The following KLF12 variants were observed in gnomAD, a reference collection of about 807,000 sequenced individuals.
KLF12 encodes the protein Krueppel-like factor 12.
In KLF12, 9 loss-of-function variants were observed where a neutral mutation model predicts 37.8. That is an observed-to-expected ratio of 0.24 (90% CI 0.14 to 0.42). KLF12 has a LOEUF of 0.42. KLF12 is among the 10% of genes least tolerant of loss of function. The pLI is 1.00. For missense variants in KLF12, 411 were observed against 516.0 expected, an observed-to-expected ratio of 0.80 and a Z score of 1.97; for synonymous variants, 208 against 202.1, an observed-to-expected ratio of 1.03 and a Z score of -0.25.
At chr13:73,924,721 G>C (rs1375802228) in intron 3 of KLF12, among the ~76,000 whole-genome samples, 1 of 152,172 alleles carries the variant, frequency 6.6e-6, no homozygotes, top group African/African-American at 2.4e-5. Flanking sequence ...TGGTGAGAAA[G>C]GCATGTTGAA....
rs554473859 is a variant in KLF12 at position 73,730,209 on chromosome 13, A to G, written c.870-14684T>C. ...GCTCTTGACTGCCTCTGTGCTGCTC[A>G]CTGGTCTCACCCAGCCTCAGGCTCT... On this transcript the variant is annotated intron_variant, in intron 6 of 7. Coordinates refer to ENST00000377669, the MANE Select transcript of KLF12 (RefSeq NM_007249.5). Among the ~76,000 whole-genome samples the G allele has an allele frequency of 2.0e-5, 3 of 152,234 alleles. No individual in the cohort carries two copies. The South Asian group carries it at 6.2e-4, about 32-fold the overall frequency.
intron 1 of KLF12, among the ~76,000 whole-genome samples, chr13:74,106,507 C>T (rs1241531564): frequency 6.6e-6 from 1 of 152,154 alleles, no homozygotes; most frequent in Admixed American, 6.5e-5. Flanking sequence ...TATAAATTTT[C>T]TTGGAATGTT....
chr13:74,211,684 T>G, the KLF12 span, among the ~76,000 whole-genome samples: 2 of 152,288 alleles, frequency 1.3e-5, no homozygotes, highest in Admixed American at 1.3e-4. Flanking sequence ...TTTAGTTGGT[T>G]CTAGAGAACA....
intron 1 of KLF12, among the ~76,000 whole-genome samples, chr13:74,000,330 T>G (rs1052746760): frequency 6.6e-6 from 1 of 152,188 alleles, no homozygotes; most frequent in African/African-American, 2.4e-5. Flanking sequence ...GAATCTCCAC[T>G]CTAGGATCTC....
chr13:74,034,022 A>G (rs907239927), intron 1 of KLF12, among the ~76,000 whole-genome samples: 1 of 147,790 alleles, frequency 6.8e-6, no homozygotes, highest in African/African-American at 2.4e-5. Context: ...ACATCAACTC[A>G]TCTGTTTACT....
chr13:73,817,820 G>A lies in KLF12; in HGVS notation c.671-4533C>T, dbSNP rs145086178. Among the ~76,000 whole-genome samples the A allele has an allele frequency of 4.3e-4, 65 of 152,302 alleles. 1 individual carries two copies. The highest frequency in any genetic ancestry group is 1.3e-3 in the African/African-American group (55 of 41,572). On this transcript the variant is annotated intron_variant, in intron 4 of 7. Coordinates refer to ENST00000377669, the MANE Select transcript of KLF12 (RefSeq NM_007249.5). ...GCTATAAATATAATCTGCATATGCC[G>A]TAGGGTGAAGCATTCTGAACATTTT...
intron 2 of KLF12, among the ~76,000 whole-genome samples, chr13:73,960,042 G>T (rs118108086): frequency 0.035 from 5,275 of 152,064 alleles, 127 homozygotes; most frequent in Non-Finnish European, 0.055. Context: ...AGGCATCCTG[G>T]AAAAATAACA....
At chr13:74,050,420 G>GA (rs895158382) in intron 1 of KLF12, among the ~76,000 whole-genome samples, 5 of 152,114 alleles carry the variant, frequency 3.3e-5, no homozygotes, top group African/African-American at 1.2e-4. Flanking sequence ...CACAAAGAAG[G>GA]AAAAAATCTT....
At chr13:74,000,896 G>C (rs1465658220) in intron 1 of KLF12, among the ~76,000 whole-genome samples, 1 of 152,180 alleles carries the variant, frequency 6.6e-6, no homozygotes, top group African/African-American at 2.4e-5. Context: ...AGTAATTTAT[G>C]CTATGCTCAG....
At chr13:74,036,476 C>G (rs1893247936) in intron 1 of KLF12, among the ~76,000 whole-genome samples, 1 of 152,250 alleles carries the variant, frequency 6.6e-6, no homozygotes, top group Admixed American at 6.5e-5. Flanking sequence ...CAGATCCCCA[C>G]ACAGTGCACG....
chr13:74,016,931 C>A (rs756449558), intron 1 of KLF12, among the ~76,000 whole-genome samples: 4 of 152,016 alleles, frequency 2.6e-5, no homozygotes, highest in Admixed American at 6.6e-5. Context: ...TTGATAAACT[C>A]ATAATGGAAT....
chr13:73,939,923 G>A (rs1288107386), intron 3 of KLF12, among the ~76,000 whole-genome samples: 1 of 152,170 alleles, frequency 6.6e-6, no homozygotes, highest in African/African-American at 2.4e-5. Context: ...CTCCTCACCA[G>A]GATCATAGAA....
intron 4 of KLF12, among the ~76,000 whole-genome samples, chr13:73,844,166 T>C (rs1013451929): frequency 5.9e-5 from 9 of 152,188 alleles, no homozygotes; most frequent in African/African-American, 1.9e-4. Flanking sequence ...CATGTACACA[T>C]GTACACATAT....
intron 1 of KLF12, among the ~76,000 whole-genome samples, chr13:74,133,702 GTTGT>G (rs1396150398): frequency 2.6e-5 from 4 of 151,584 alleles, no homozygotes; most frequent in African/African-American, 4.8e-5. Flanking sequence ...AGAGGAGGGG[GTTGT>G]TTATTTTGAT....
rs562197982 is a variant in KLF12, at chr13:73,818,871, T to C, written c.671-5584A>G. On this transcript the variant is annotated intron_variant, in intron 4 of 7. Transcript: ENST00000377669. ...TTAGCTACGGACAGGCTCCCTGCTA[T>C]CTGCAGGTGCCCTAATTGTTCGCCC... 5.3e-4 allele frequency among the ~76,000 whole-genome samples: 81 copies of C among 152,326 alleles called. 1 individual carries two copies. The highest frequency in any genetic ancestry group is 1.8e-3 in the African/African-American group (76 of 41,584).
chr13:73,729,857 C>T (rs943217276), intron 6 of KLF12, among the ~76,000 whole-genome samples: 4 of 152,112 alleles, frequency 2.6e-5, no homozygotes, highest in African/African-American at 4.8e-5. Flanking sequence ...TCCTTAGCAA[C>T]TTGATAATCT....
intron 7 of KLF12, among the ~76,000 whole-genome samples, chr13:73,713,768 A>G (rs1441171949): frequency 6.6e-6 from 1 of 152,252 alleles, no homozygotes; most frequent in Non-Finnish European, 1.5e-5. Context: ...ACCTGATTAA[A>G]AATTTTCCTC....
chr13:73,880,635 CAT>C (rs961526791), intron 3 of KLF12, among the ~76,000 whole-genome samples: 8 of 152,118 alleles, frequency 5.3e-5, no homozygotes, highest in Admixed American at 2.6e-4. Flanking sequence ...GCAAAACAAA[CAT>C]GTGGTAAAAC....
chr13:74,032,598 CAT>C (rs535722968), intron 1 of KLF12, among the ~76,000 whole-genome samples: 6 of 152,166 alleles, frequency 3.9e-5, no homozygotes, highest in Admixed American at 6.5e-5. Flanking sequence ...CTCTATGACA[CAT>C]GAGTATTATT....
Sources: gnomAD v4.1 joint callset for allele counts (sites outside exome capture counted in the v4.1 genomes callset) on GRCh38, gnomAD v4.1.1 for gene constraint, MANE v1.5 for transcripts, NCBI Gene and HGNC (gene_info 2026-07-23, HGNC 2026-07-21) for gene names.